Variants in PPM1G observed in about 807,000 individuals in gnomAD.
The protein encoded by PPM1G is protein phosphatase, Mg2+/Mn2+ dependent 1G.
In PPM1G, 12 loss-of-function variants were observed where a neutral mutation model predicts 59.4. The ratio of observed to expected loss-of-function variants is 0.20; its 90% confidence interval spans 0.13 to 0.33. The LOEUF is 0.33. Ranked by LOEUF, PPM1G falls within the 10% of genes least tolerant of loss-of-function variation. PPM1G has a pLI of 1.00. For missense variants in PPM1G, 392 were observed against 681.3 expected, an observed-to-expected ratio of 0.58 and a Z score of 4.73; for synonymous variants, 245 against 251.9, an observed-to-expected ratio of 0.97 and a Z score of 0.26.
At position 27,383,033 on chromosome 2, in the gene PPM1G, A is replaced by C. The variant is rs1194635551; in HGVS notation, c.1201+333T>G. ...TTTTTTTTAGTAGAGATGGGGTTTC[A>C]CCATGTTGGCCAGGCTGGCCTCGAA... On this transcript the variant is annotated intron_variant, in intron 7 of 9. Transcript: ENST00000344034. This position sits in a 1 kb window ranked among gnomAD's most constrained non-coding sequence, Gnocchi z 5.0. Among the ~76,000 whole-genome samples, 3 of 149,284 alleles carry C rather than the reference A, an allele frequency of 2.0e-5. No homozygotes were observed. Among genetic ancestry groups the C allele is most frequent in the African/African-American group, 7.4e-5 (3 of 40,488 alleles).
At position 27,381,628 on chromosome 2, in the gene PPM1G, C is replaced by T. The variant is rs770886509; in HGVS notation, c.1612G>A (p.Asp538Asn). 2.0e-5 allele frequency: 32 copies of T among 1,613,970 alleles called. No homozygotes were observed. Among genetic ancestry groups the T allele is most frequent in the Admixed American group, 3.3e-5 (2 of 60,002 alleles). Residue 538 changes from aspartate (D) to asparagine (N), a missense_variant, in exon 10 of 10, where the codon GAC becomes AAC. Asp to Asn is a conservative substitution (Grantham distance 23). Coordinates refer to ENST00000344034, the MANE Select transcript of PPM1G (RefSeq NM_177983.3). ...TEGAEENGNS[D>N]KKKKAKRD Reference sequence around the variant, plus strand: ...TCTCGCTTGGCCTTCTTCTTCTTGTCGCTGTTGCCATTTTCTTCAGCCCCC... The same window carrying T: ...TCTCGCTTGGCCTTCTTCTTCTTGTTGCTGTTGCCATTTTCTTCAGCCCCC...
intron 1 of PPM1G, among the ~76,000 whole-genome samples, chr2:27,392,531 G>A (rs1230238242): frequency 6.8e-6 from 1 of 146,292 alleles, no homozygotes; most frequent in Non-Finnish European, 1.5e-5. Flanking sequence ...CCGACCTCAG[G>A]TGATCCTCCC....
rs1357080014 is a variant in PPM1G at position 27,382,267 on chromosome 2, C to CT, written c.1332-40dup. 1 of 1,601,658 alleles carries CT rather than the reference C, an allele frequency of 6.2e-7. No homozygotes were observed. Among genetic ancestry groups the CT allele is most frequent in the Admixed American group, 1.7e-5 (1 of 60,008 alleles). On this transcript the variant is annotated intron_variant, in intron 8 of 9. Transcript: ENST00000344034. The surrounding 1 kb of genome is among the most constrained non-coding windows in gnomAD (Gnocchi z 4.2). ...CAACAGTCAGAATCTTCCAGTCTCA[C>CT]TAAGGCAGCGTAGAGGAGTATGGAC...
rs780120254 is a variant in PPM1G at position 27,385,009 on chromosome 2, G to A, written c.489C>T (p.Asn163=). The A allele has an allele frequency of 5.0e-6, 8 of 1,614,024 alleles. No homozygotes were observed. The highest frequency in any genetic ancestry group is 1.7e-5 in the Admixed American group (1 of 60,006). The change falls in exon 5 of 10, where the codon AAC becomes AAT. Residue 163 remains asparagine, a synonymous_variant. Coordinates refer to ENST00000344034, the MANE Select transcript of PPM1G (RefSeq NM_177983.3). The surrounding 1 kb of genome is among the most constrained non-coding windows in gnomAD (Gnocchi z 4.1). ...TGCTGTGGGGAGGGCCCTTGTGACA[G>A]TTCTGCCCGTAGCGTGTCAGCAGCT... ...IEELLTRYGQ[N]CHKGPPHSKS...
Position 27,409,458 on chromosome 2 carries a change from G to C in PPM1G, c.-36C>G. 1 of 1,473,198 alleles carries C rather than the reference G, an allele frequency of 6.8e-7. No individual in the cohort carries two copies. The highest frequency in any genetic ancestry group is 9.0e-7 in the Non-Finnish European group (1 of 1,114,022). 91.3% of individuals were successfully genotyped at this position (1,473,198 alleles called of 1,614,324 possible). On this transcript the variant is annotated 5_prime_UTR_variant, in exon 1 of 10. Coordinates refer to ENST00000344034, the MANE Select transcript of PPM1G (RefSeq NM_177983.3). ...GGCCGGCGGCCTCAGGTGCAGGAAAGCTGGGCGCGACCCGTGCCGGAGCCG... is the reference window on the plus strand; with the variant it reads ...GGCCGGCGGCCTCAGGTGCAGGAAACCTGGGCGCGACCCGTGCCGGAGCCG...
intron 1 of PPM1G, among the ~76,000 whole-genome samples, chr2:27,397,323 CA>C (rs544656302): frequency 1.4e-4 from 22 of 151,906 alleles, no homozygotes; most frequent in African/African-American, 5.1e-4. Context: ...AAGAAGACAA[CA>C]CTTCCCAATT....
At chr2:27,402,848 AT>A (rs1684217419) in intron 1 of PPM1G, among the ~76,000 whole-genome samples, 1 of 142,592 alleles carries the variant, frequency 7.0e-6, no homozygotes, top group African/African-American at 2.9e-5. Context: ...AAATAAATAA[AT>A]AAATAAAATA....
chr2:27,407,656 A>C (rs967954223), intron 1 of PPM1G, among the ~76,000 whole-genome samples: 4 of 152,198 alleles, frequency 2.6e-5, no homozygotes, highest in African/African-American at 9.6e-5. Context: ...TTTGACATAG[A>C]TGATTAACAA....
chr2:27,389,746 T>C (rs1683852530), intron 1 of PPM1G, among the ~76,000 whole-genome samples: 1 of 152,086 alleles, frequency 6.6e-6, no homozygotes, highest in Non-Finnish European at 1.5e-5. Flanking sequence ...GGAGGACTGA[T>C]TGAGATCAGG....
In PPM1G at chr2:27,409,496, T is replaced by C; in HGVS notation, c.-74A>G. 7.3e-7 allele frequency: 1 copy of C among 1,375,202 alleles called. No individual in the cohort carries two copies. Among genetic ancestry groups the C allele is most frequent in the Non-Finnish European group, 9.4e-7 (1 of 1,068,226 alleles). 85.2% of individuals were successfully genotyped at this position (1,375,202 alleles called of 1,614,324 possible). On this transcript the variant is annotated 5_prime_UTR_variant, in exon 1 of 10. Transcript: ENST00000344034. ...CGTGCCGGAGCCGAAGCCCCGGGGG[T>C]GCGCGCGGCAGGAGCAGGCCCCGCG...
chr2:27,385,236 G>T lies in PPM1G; in HGVS notation c.410-148C>A. The stretch of plus-strand genomic sequence containing the variant: ...TCTCGCTCAAGTCTCAGAAGAACAT[G>T]CCCTAGCTCCTCCTCCTCCACAGAC... On this transcript the variant is annotated intron_variant, in intron 4 of 9. Transcript: ENST00000344034. This position sits in a 1 kb window ranked among gnomAD's most constrained non-coding sequence, Gnocchi z 4.1. The T allele has an allele frequency of 1.1e-6, 1 of 870,120 alleles. No individual in the cohort carries two copies. The highest frequency in any genetic ancestry group is 1.7e-6 in the Non-Finnish European group (1 of 593,888). 53.9% of individuals were successfully genotyped at this position (870,120 alleles called of 1,614,324 possible).
Position 27,392,441 on chromosome 2 carries a change from T to A in PPM1G, c.121-5283A>T, listed in dbSNP as rs371858430. On this transcript the variant is annotated intron_variant, in intron 1 of 9. Transcript: ENST00000344034. Reference sequence around the variant, plus strand: ...TCCCAAGTAGCCGGGATTACAGGTGTGTGCCACCATGACTGGCTAGTTTTT... The same window carrying A: ...TCCCAAGTAGCCGGGATTACAGGTGAGTGCCACCATGACTGGCTAGTTTTT... Among the ~76,000 whole-genome samples, 56 of 151,814 alleles carry A rather than the reference T, an allele frequency of 3.7e-4. 1 individual carries two copies. The East Asian group carries it at 5.8e-3, about 16-fold the overall frequency.
chr2:27,381,581 CAG>C lies in PPM1G; in HGVS notation c.*16_*17del. 6.2e-7 allele frequency: 1 copy of C among 1,613,982 alleles called. No individual in the cohort carries two copies. The highest frequency in any genetic ancestry group is 8.5e-7 in the Non-Finnish European group (1 of 1,179,918). ...GGGCTCAGAAAACAGTCTAGGTGGG[CAG>C]GGGTCTGGATGACTGCTAGTCTCGC... On this transcript the variant is annotated 3_prime_UTR_variant, in exon 10 of 10. Transcript: ENST00000344034.
At chr2:27,400,923 C>T (rs1014860952) in intron 1 of PPM1G, among the ~76,000 whole-genome samples, 4 of 152,168 alleles carry the variant, frequency 2.6e-5, no homozygotes, top group Middle Eastern at 3.2e-3. Context: ...CCAAAGGAGT[C>T]CAGCAGTATG....
rs573759821 is a variant in PPM1G at position 27,383,233 on chromosome 2, A to C, written c.1201+133T>G. ...TACCCATCTTAGTTATTTCACAGAA[A>C]TATAAGAACAGAGGTAGTAGATATT... is the stretch of plus-strand genomic sequence containing the variant. On this transcript the variant is annotated intron_variant, in intron 7 of 9. Coordinates refer to ENST00000344034, the MANE Select transcript of PPM1G (RefSeq NM_177983.3). The surrounding 1 kb of genome is among the most constrained non-coding windows in gnomAD (Gnocchi z 5.0). 9.9e-6 allele frequency: 7 copies of C among 710,200 alleles called. No individual in the cohort carries two copies. The highest frequency in any genetic ancestry group is 5.5e-5 in the South Asian group (3 of 54,290). The allele number at this position is 710,200 out of a possible 1,614,324, so 44.0% of individuals were successfully genotyped here.
In PPM1G at chr2:27,382,021, A is replaced by G; in HGVS notation, c.1434+105T>C. ...TTGGAGTCGGGGTTTAGCGTCTGTC[A>G]GCAATTACTGATAATGCTCCCAGAT... is the stretch of plus-strand genomic sequence containing the variant. On this transcript the variant is annotated intron_variant, in intron 9 of 9. Transcript: ENST00000344034. This position sits in a 1 kb window ranked among gnomAD's most constrained non-coding sequence, Gnocchi z 4.2. 8.3e-7 allele frequency: 1 copy of G among 1,207,516 alleles called. No homozygotes were observed. The highest frequency in any genetic ancestry group is 1.5e-5 in the African/African-American group (1 of 67,006). 74.8% of individuals were successfully genotyped at this position (1,207,516 alleles called of 1,614,324 possible).
intron 1 of PPM1G, among the ~76,000 whole-genome samples, chr2:27,402,189 C>T (rs1041008108): frequency 2.0e-5 from 3 of 152,160 alleles, no homozygotes; most frequent in African/African-American, 4.8e-5. Flanking sequence ...AAAACAACTA[C>T]ACTGAAATCA....
intron 1 of PPM1G, among the ~76,000 whole-genome samples, chr2:27,398,828 A>G (rs1684114061): frequency 6.6e-6 from 1 of 151,726 alleles, no homozygotes; most frequent in Admixed American, 6.6e-5. Flanking sequence ...CTCAAAAAAA[A>G]AAAGAAAAAA....
intron 9 of PPM1G, 108 bp from the exon 10 acceptor site, chr2:27,381,913 T>C: frequency 5.0e-6 from 6 of 1,188,702 alleles, no homozygotes; most frequent in South Asian, 1.3e-5. Flanking sequence ...AGGAGAGGAA[T>C]GGGCAAGAGG....
Sources: allele counts gnomAD v4.1 joint callset (sites outside exome capture counted in the v4.1 genomes callset), GRCh38; gene constraint gnomAD v4.1.1; non-coding constraint Gnocchi (gnomAD v3.1); transcripts MANE v1.5; gene names NCBI Gene and HGNC (gene_info 2026-07-23, HGNC 2026-07-21).